The following ZNF91 variants were observed in gnomAD, a reference collection of about 807,000 sequenced individuals.
The protein encoded by ZNF91 is zinc finger protein 91, also known as zinc finger protein 91 (HPF7, HTF10).
Under a neutral mutation model 12.6 loss-of-function variants are expected in ZNF91, and 7 were observed. The observed-to-expected ratio is 0.55, with a 90% confidence interval of 0.31 to 1.04. ZNF91 has a LOEUF of 1.04. Ranked by LOEUF, ZNF91 falls within the 50% of genes least tolerant of loss-of-function variation. ZNF91 has a pLI of 0.05. For missense variants in ZNF91, 1,217 were observed against 1,385.4 expected (o/e 0.88, Z 1.93); for synonymous variants, 453 against 462.6 (o/e 0.98, Z 0.27).
intron 1 of ZNF91, among the ~76,000 whole-genome samples, chr19:23,391,722 A>G (rs772434488): frequency 3.9e-5 from 6 of 152,132 alleles, no homozygotes; most frequent in Non-Finnish European, 8.8e-5. Flanking sequence ...CCAGCTTTCC[A>G]GGGCTCTGTA....
chr19:23,362,373 G>A lies in ZNF91; in HGVS notation c.606C>T (p.Cys202=), dbSNP rs529130781. Residue 202 remains cysteine (C), a synonymous_variant, in exon 4 of 4, where the codon TGC becomes TGT. Transcript: ENST00000300619. ...TACAGGACTTCTCTGTAATATAAAC[G>A]CATTTATGTTGGGTTTTGTGTAAAC... ...CIRLHKTQHK[C]VYITEKSCKC... is the part of the protein sequence containing the mutation. 18 of 1,613,528 alleles carry A rather than the reference G, an allele frequency of 1.1e-5. No homozygotes were observed. Among genetic ancestry groups the A allele is most frequent in the African/African-American group, 5.3e-5 (4 of 74,972 alleles).
chr19:23,378,659 TTAATA>T (rs1304114547), intron 1 of ZNF91, among the ~76,000 whole-genome samples: 1 of 152,220 alleles, frequency 6.6e-6, no homozygotes, highest in Admixed American at 6.5e-5. Flanking sequence ...TTTTTGTTTA[TTAATA>T]TATGTTCAGG....
intron 1 of ZNF91, among the ~76,000 whole-genome samples, chr19:23,317,537 T>C (rs1216094752): frequency 6.6e-6 from 1 of 152,166 alleles, no homozygotes; most frequent in Non-Finnish European, 1.5e-5. Flanking sequence ...TACAATGAGT[T>C]TCCTGACAAG....
chr19:23,390,717 T>C (rs1382738462), intron 1 of ZNF91, among the ~76,000 whole-genome samples: 1 of 151,650 alleles, frequency 6.6e-6, no homozygotes, highest in African/African-American at 2.4e-5. Flanking sequence ...TGTGCCACCA[T>C]GCCTAATTTT....
rs752040904 is a variant in ZNF91 at position 23,359,791 on chromosome 19, G to A, written c.3188C>T (p.Ser1063Leu). ...EECGKAFISSSTLNGHKRIHT... is the reference protein window; with the variant it reads ...EECGKAFISSLTLNGHKRIHT... ...AATTCTCTTATGTCCATTTAGGGTT[G>A]AGGATGATATAAATGCTTTGCCACA... Residue 1063 changes from serine (S) to leucine (L), a missense_variant, in exon 4 of 4, where the codon TCA (serine) becomes TTA (leucine). Physicochemically the swap from Ser to Leu is moderately radical, Grantham distance 145. Coordinates refer to ENST00000300619, the MANE Select transcript of ZNF91 (RefSeq NM_003430.4). 3.7e-6 allele frequency: 6 copies of A among 1,613,858 alleles called. No homozygotes were observed. Among genetic ancestry groups the A allele is most frequent in the Non-Finnish European group, 5.1e-6 (6 of 1,180,018 alleles).
intron 3 of ZNF91, among the ~76,000 whole-genome samples, chr19:23,343,080 C>G (rs295394): frequency 0.1 from 15,791 of 152,230 alleles, 1,258 homozygotes; most frequent in East Asian, 0.37. Context: ...CACAAAACCA[C>G]TGTAGGTACT....
At chr19:23,355,515 GA>G (rs907385526), downstream of ZNF91, among the ~76,000 whole-genome samples, 16 of 151,968 alleles carry the variant, frequency 1.1e-4, no homozygotes, top group African/African-American at 3.9e-4. Flanking sequence ...GATAAAATTG[GA>G]AAAAAACCCT....
In ZNF91 at chr19:23,361,328, A is replaced by C; in HGVS notation, c.1651T>G (p.Cys551Gly). 6.2e-7 allele frequency: 1 copy of C among 1,613,656 alleles called. No homozygotes were observed. The highest frequency in any genetic ancestry group is 8.5e-7 in the Non-Finnish European group (1 of 1,179,824). Residue 551 changes from cysteine (C) to glycine (G), a missense_variant, in exon 4 of 4, where the codon TGT becomes GGT. By Grantham distance (159) the Cys-to-Gly change is radical. Around this residue, in one of 2 missense-constraint regions of ZNF91, gnomAD observed 726 missense variants for 895.5 expected, o/e 0.81. Transcript: ENST00000300619. ...SREKPYKCKE[C>G]GKAFKQFSTL... ...GAGAATTGCTTAAAAGCTTTGCCAC[A>C]TTCTTTACATTTGTAGGGTTTCTCT...
At chr19:23,384,986 G>C (rs1969828785) in intron 1 of ZNF91, 1 of 1,126,284 alleles carries the variant, frequency 8.9e-7, no homozygotes, top group African/African-American at 1.5e-5. Flanking sequence ...GAGGAAAAAG[G>C]TCAGGAGAAA....
chr19:23,348,986 T>G lies in ZNF91; in HGVS notation c.254-9932A>C, dbSNP rs568448576. 4.3e-4 allele frequency among the ~76,000 whole-genome samples: 66 copies of G among 152,284 alleles called. 1 individual carries two copies. The Middle Eastern group carries it at 0.014, about 31-fold the overall frequency. On this transcript the variant is annotated intron_variant, in intron 3 of 3. Transcript: ENST00000599743. ...AAATACACCCTGGTCTCCTGCAGTG[T>G]CTTCAGGCTTGCTAGGATTGGGAAA...
At chr19:23,368,002 C>T (rs996752366) in intron 3 of ZNF91, among the ~76,000 whole-genome samples, 21 of 151,894 alleles carry the variant, frequency 1.4e-4, no homozygotes, top group Non-Finnish European at 2.2e-4. Context: ...CTCTGCCTCC[C>T]GGGTTCAAGC....
chr19:23,357,919 T>C lies in ZNF91; in HGVS notation c.*1484A>G, dbSNP rs1027903631. 1.3e-5 allele frequency: 2 copies of C among 152,174 alleles called. No individual in the cohort carries two copies. The highest frequency in any genetic ancestry group is 4.8e-5 in the African/African-American group (2 of 41,456). 9.4% of individuals were successfully genotyped at this position (152,174 alleles called of 1,614,324 possible). On this transcript the variant is annotated 3_prime_UTR_variant, in exon 4 of 4. Coordinates refer to ENST00000300619, the MANE Select transcript of ZNF91 (RefSeq NM_003430.4). ...AAAATATGCCACATATGGCATAATA[T>C]GTACACATATTAGGTATCCACAAAA...
intron 1 of ZNF91, chr19:23,310,482 A>T (rs1290117233): frequency 6.6e-6 from 1 of 152,244 alleles, no homozygotes; most frequent in Non-Finnish European, 1.5e-5. Context: ...GAGTGGATTC[A>T]GTCCATTGTA....
chr19:23,315,076 C>T (rs1261106153), upstream of ZNF91, among the ~76,000 whole-genome samples: 4 of 152,188 alleles, frequency 2.6e-5, no homozygotes, highest in African/African-American at 7.2e-5. Flanking sequence ...ATGATGTTAT[C>T]GTTTTACATG....
intron 1 of ZNF91, among the ~76,000 whole-genome samples, chr19:23,321,515 T>C (rs1967694479): frequency 6.6e-6 from 1 of 152,132 alleles, no homozygotes; most frequent in African/African-American, 2.4e-5. Flanking sequence ...GACATATCCC[T>C]GGGCTCAGCA....
At chr19:23,328,823 G>C (rs1397359178) in intron 1 of ZNF91, 1 of 152,210 alleles carries the variant, frequency 6.6e-6, no homozygotes, top group Non-Finnish European at 1.5e-5. Context: ...GTGTGGGGAA[G>C]GGATAGATAA....
At chr19:23,376,318 T>C (rs1599745538) in intron 1 of ZNF91, among the ~76,000 whole-genome samples, 1 of 152,166 alleles carries the variant, frequency 6.6e-6, no homozygotes, top group African/African-American at 2.4e-5. Flanking sequence ...GAAGCCATCA[T>C]GCAGAGAAGG....
At chr19:23,322,727 A>G (rs552052715) in intron 1 of ZNF91, among the ~76,000 whole-genome samples, 2 of 101,338 alleles carry the variant, frequency 2.0e-5, no homozygotes, top group East Asian at 5.4e-4. Context: ...TCCTCTCCTC[A>G]TCTCTTCTTC....
In ZNF91 at chr19:23,359,508, A is replaced by C; in HGVS notation, c.3471T>G (p.Thr1157=). The C allele has an allele frequency of 6.2e-7, 1 of 1,613,722 alleles. No homozygotes were observed. Among genetic ancestry groups the C allele is most frequent in the Non-Finnish European group, 8.5e-7 (1 of 1,179,734 alleles). Residue 1157 remains threonine, a synonymous_variant, in exon 4 of 4, where the codon ACT becomes ACG. Coordinates refer to ENST00000300619, the MANE Select transcript of ZNF91 (RefSeq NM_003430.4). ...AAAGTAGTGGGATTACAGGTGTGAT[A>C]GTATGAATTTTCTTATGGTTAGTAA... ...SILTNHKKIH[T]ITPVIPLLWE...
Sources: gnomAD v4.1 joint callset for allele counts (sites outside exome capture counted in the v4.1 genomes callset) on GRCh38, gnomAD v4.1.1 for gene constraint, gnomAD v4.1.1 regional missense constraint, MANE v1.5 for transcripts, NCBI Gene and HGNC (gene_info 2026-07-23, HGNC 2026-07-21) for gene names.